SNTG1: variants seen among roughly 807,000 people sequenced by gnomAD.
The protein encoded by SNTG1 is syntrophin gamma 1, also known as gamma-1-syntrophin.
Under a neutral mutation model 74.7 loss-of-function variants are expected in SNTG1, and 39 were observed. The ratio of observed to expected loss-of-function variants is 0.52; its 90% CI spans 0.40 to 0.68. SNTG1 has a LOEUF of 0.68. Ranked by LOEUF, SNTG1 falls within the 30% of genes least tolerant of loss-of-function variation. SNTG1 has a pLI of 0.00. For synonymous variants in SNTG1, 254 were observed against 217.1 expected (o/e 1.17, Z -1.49); for missense variants, 685 against 609.5 (o/e 1.12, Z -1.30).
chr8:50,355,261 AAATT>A (rs2091785648), intron 2 of SNTG1, among the ~76,000 whole-genome samples: 2 of 129,232 alleles, frequency 1.5e-5, no homozygotes, highest in Admixed American at 1.4e-4. Flanking sequence ...TTAATTAAAT[AAATT>A]AAATAGTCAT....
intron 17 of SNTG1, among the ~76,000 whole-genome samples, chr8:50,728,994 A>G (rs2131614152): frequency 6.6e-6 from 1 of 152,344 alleles, no homozygotes; most frequent in East Asian, 1.9e-4. Context: ...GCTGTTGAAG[A>G]GGAAACCTCA....
At chr8:50,345,970 TA>T (rs1362220048) in intron 2 of SNTG1, among the ~76,000 whole-genome samples, 2 of 152,240 alleles carry the variant, frequency 1.3e-5, no homozygotes, top group Non-Finnish European at 2.9e-5. Flanking sequence ...TAACTGGGTT[TA>T]GTTATCTCTA....
At chr8:50,657,597 A>G (rs1360166107) in intron 14 of SNTG1, among the ~76,000 whole-genome samples, 3 of 152,128 alleles carry the variant, frequency 2.0e-5, no homozygotes, top group Non-Finnish European at 4.4e-5. Flanking sequence ...ATCTCACCCT[A>G]TGGTAATCCC....
At chr8:50,088,616 G>C (rs149995) in intron 1 of SNTG1, among the ~76,000 whole-genome samples, 13,432 of 91,228 alleles carry the variant, frequency 0.15, 1,432 homozygotes, top group Non-Finnish European at 0.25. Flanking sequence ...CAACAACAGA[G>C]AAACAGAGAG....
At chr8:50,488,634 T>C (rs1250110197) in intron 8 of SNTG1, among the ~76,000 whole-genome samples, 1 of 152,192 alleles carries the variant, frequency 6.6e-6, no homozygotes, top group Non-Finnish European at 1.5e-5. Context: ...CTCCATCATC[T>C]GTTCCTGCCC....
intron 1 of SNTG1, among the ~76,000 whole-genome samples, chr8:50,144,060 C>T (rs1026157239): frequency 6.6e-6 from 1 of 152,162 alleles, no homozygotes; most frequent in Non-Finnish European, 1.5e-5. Flanking sequence ...AGCACTGACA[C>T]ACAGATGCAG....
intron 13 of SNTG1, among the ~76,000 whole-genome samples, chr8:50,616,661 A>T (rs2094887325): frequency 6.6e-6 from 1 of 152,172 alleles, no homozygotes; most frequent in East Asian, 1.9e-4. Flanking sequence ...GAGTGCACAC[A>T]GCCAAAGCCA....
intron 13 of SNTG1, among the ~76,000 whole-genome samples, chr8:50,656,590 A>G (rs1433402757): frequency 1.3e-5 from 2 of 152,174 alleles, no homozygotes; most frequent in African/African-American, 4.8e-5. Context: ...AATGAATTCT[A>G]TTATAAATAA....
intron 8 of SNTG1, among the ~76,000 whole-genome samples, chr8:50,466,542 A>T (rs1390334407): frequency 6.6e-6 from 1 of 152,030 alleles, no homozygotes; most frequent in Non-Finnish European, 1.5e-5. Flanking sequence ...TTTCATATAC[A>T]TTTTAAAATC....
chr8:50,042,371 A>G (rs1818710986), intron 1 of SNTG1, among the ~76,000 whole-genome samples: 1 of 152,130 alleles, frequency 6.6e-6, no homozygotes, highest in Non-Finnish European at 1.5e-5. Flanking sequence ...GGTTGAAGAA[A>G]CTTTTAAAAA....
At chr8:50,507,690 T>C (rs187354978) in intron 9 of SNTG1, among the ~76,000 whole-genome samples, 87 of 152,312 alleles carry the variant, frequency 5.7e-4, no homozygotes, top group African/African-American at 2.0e-3. Context: ...TCATTTCTTT[T>C]TTTTTAATTA....
intron 2 of SNTG1, among the ~76,000 whole-genome samples, chr8:50,225,146 AT>A (rs1037437676): frequency 2.6e-5 from 4 of 151,508 alleles, no homozygotes; most frequent in Non-Finnish European, 5.9e-5. Context: ...AATTTTTTGT[AT>A]TTTTTTAGTA....
At chr8:50,071,710 T>C (rs1821382150) in intron 1 of SNTG1, among the ~76,000 whole-genome samples, 2 of 151,696 alleles carry the variant, frequency 1.3e-5, no homozygotes, top group Non-Finnish European at 2.9e-5. Context: ...ATTCCTGACC[T>C]CAGATGATCC....
At chr8:50,196,869 C>A (rs1563726381) in intron 2 of SNTG1, among the ~76,000 whole-genome samples, 1 of 151,784 alleles carries the variant, frequency 6.6e-6, no homozygotes, top group African/African-American at 2.4e-5. Context: ...GTAATCCCAG[C>A]TACTCAGGAG....
chr8:50,235,064 G>T (rs2085819709), intron 2 of SNTG1, among the ~76,000 whole-genome samples: 1 of 152,094 alleles, frequency 6.6e-6, no homozygotes, highest in Non-Finnish European at 1.5e-5. Context: ...TTTAAGAAAT[G>T]CTGACAAAAT....
chr8:50,742,773 T>G (rs1585688301), intron 17 of SNTG1, among the ~76,000 whole-genome samples: 1 of 151,520 alleles, frequency 6.6e-6, no homozygotes, highest in East Asian at 1.9e-4. Flanking sequence ...ATAACAAAAT[T>G]TATAAGTCTT....
intron 1 of SNTG1, among the ~76,000 whole-genome samples, chr8:50,096,339 T>C (rs1022723579): frequency 1.8e-4 from 28 of 152,212 alleles, no homozygotes; most frequent in Admixed American, 1.3e-3. Flanking sequence ...TTGATTTTTT[T>C]GGCTAAGGTG....
chr8:50,231,410 T>C (rs1294706134), intron 2 of SNTG1, among the ~76,000 whole-genome samples: 2 of 151,382 alleles, frequency 1.3e-5, no homozygotes, highest in African/African-American at 4.8e-5. Context: ...GAAATCAATA[T>C]GTCAAATAGA....
chr8:50,684,029 A>G (rs755559491), intron 15 of SNTG1, among the ~76,000 whole-genome samples: 10 of 152,202 alleles, frequency 6.6e-5, no homozygotes, highest in Non-Finnish European at 1.3e-4. Flanking sequence ...TCTACATACA[A>G]ATTATTAAAG....
Sources: gnomAD v4.1 joint callset for allele counts (sites outside exome capture counted in the v4.1 genomes callset) on GRCh38, gnomAD v4.1.1 for gene constraint, MANE v1.5 for transcripts, NCBI Gene and HGNC (gene_info 2026-07-23, HGNC 2026-07-21) for gene names.